Variants in SMOC2 observed in about 807,000 individuals in gnomAD.
SMOC2 encodes SPARC related modular calcium binding 2.
In SMOC2, 39 loss-of-function variants were observed where a neutral mutation model predicts 61.4. That is an observed-to-expected ratio of 0.64 (90% CI 0.49 to 0.83). The LOEUF is 0.83. Among genes scored for constraint, SMOC2 ranks in the 40% least tolerant of loss-of-function variants. SMOC2 has a pLI of 0.00. For missense variants in SMOC2, 556 were observed against 592.9 expected (o/e 0.94, Z 0.65); for synonymous variants, 247 against 239.9 (o/e 1.03, Z -0.27).
chr6:168,634,320 G>A (rs1035353371), intron 9 of SMOC2, among the ~76,000 whole-genome samples: 1 of 152,208 alleles, frequency 6.6e-6, no homozygotes, highest in African/African-American at 2.4e-5. Flanking sequence ...ATTTGGATGA[G>A]ACCGTGTCTG....
intron 1 of SMOC2, among the ~76,000 whole-genome samples, chr6:168,482,460 C>T (rs1036606347): frequency 1.3e-4 from 20 of 152,044 alleles, no homozygotes; most frequent in Non-Finnish European, 2.5e-4. Context: ...GTGGACCTCA[C>T]GGCTTCACTG....
intron 7 of SMOC2, among the ~76,000 whole-genome samples, chr6:168,563,806 C>A (rs1214453764): frequency 6.6e-6 from 1 of 152,158 alleles, no homozygotes; most frequent in Non-Finnish European, 1.5e-5. Context: ...TGTTGATAAG[C>A]CACGGAGCAC....
rs77934263 is a variant in SMOC2 at position 168,542,590 on chromosome 6, C to A, written c.464-1035C>A. ...TACAGAGGAGGGTTTGGGGTGGCTG[C>A]GCTGTGTTCCTTCATAGGAACCGTT... is the stretch of plus-strand genomic sequence containing the variant. On this transcript the variant is annotated intron_variant, in intron 4 of 12. Coordinates refer to ENST00000356284, the MANE Select transcript of SMOC2 (RefSeq NM_001166412.2). 4.6e-5 allele frequency among the ~76,000 whole-genome samples: 7 copies of A among 152,214 alleles called. No individual in the cohort carries two copies. The South Asian group carries it at 1.0e-3, about 23-fold the overall frequency.
At chr6:168,555,050 G>A (rs143791628) in intron 7 of SMOC2, among the ~76,000 whole-genome samples, 403 of 152,332 alleles carry the variant, frequency 2.6e-3, no homozygotes, top group African/African-American at 9.3e-3. Flanking sequence ...AAGTGGGCCT[G>A]ACTGGTCCCA....
chr6:168,441,262 G>C lies in SMOC2; in HGVS notation c.-109G>C, dbSNP rs1443885394. The C allele has an allele frequency of 2.2e-6, 3 of 1,367,892 alleles. No individual in the cohort carries two copies. In the African/African-American group the frequency reaches 4.6e-5, roughly 21 times the overall value. 84.7% of individuals were successfully genotyped at this position (1,367,892 alleles called of 1,614,324 possible). Reference sequence around the variant, plus strand: ...GGAGCGGTGGGGAGAGCATCGCGGAGCCGCCCCTCCACGCGCCCGCCCAGC... The same window carrying C: ...GGAGCGGTGGGGAGAGCATCGCGGACCCGCCCCTCCACGCGCCCGCCCAGC... On this transcript the variant is annotated 5_prime_UTR_variant, in exon 1 of 13. Transcript: ENST00000356284.
At chr6:168,447,142 C>G (rs373329880) in intron 1 of SMOC2, among the ~76,000 whole-genome samples, 3 of 152,330 alleles carry the variant, frequency 2.0e-5, no homozygotes, top group East Asian at 3.9e-4. Flanking sequence ...TCTTGGCTCA[C>G]TGTAACCTCT....
chr6:168,661,730 A>G (rs1787515059), intron 11 of SMOC2, among the ~76,000 whole-genome samples: 1 of 152,094 alleles, frequency 6.6e-6, no homozygotes, highest in Admixed American at 6.5e-5. Flanking sequence ...CAAGCAATAC[A>G]AAAAAAACTG....
intron 1 of SMOC2, among the ~76,000 whole-genome samples, chr6:168,444,490 A>C (rs1464518863): frequency 1.3e-5 from 2 of 152,176 alleles, no homozygotes; most frequent in African/African-American, 2.4e-5. Context: ...AAATGGCACC[A>C]TGAGGCCCTC....
chr6:168,487,913 C>T (rs1391154046), intron 1 of SMOC2, among the ~76,000 whole-genome samples: 1 of 152,148 alleles, frequency 6.6e-6, no homozygotes, highest in Non-Finnish European at 1.5e-5. Flanking sequence ...ATATGTAAAG[C>T]AGTAAAATGC....
intron 1 of SMOC2, among the ~76,000 whole-genome samples, chr6:168,469,737 A>G (rs1448766507): frequency 9.9e-5 from 15 of 152,146 alleles, no homozygotes; most frequent in African/African-American, 1.4e-4. Flanking sequence ...GACTGACCAC[A>G]TGGCCAGCAG....
At chr6:168,461,911 A>T (rs1198783046) in intron 1 of SMOC2, among the ~76,000 whole-genome samples, 2 of 152,200 alleles carry the variant, frequency 1.3e-5, no homozygotes, top group Non-Finnish European at 2.9e-5. Context: ...GATGTGCATC[A>T]CTAGGCTCAC....
At chr6:168,508,210 ATGAG>A (rs1256358259) in intron 1 of SMOC2, among the ~76,000 whole-genome samples, 2 of 152,222 alleles carry the variant, frequency 1.3e-5, no homozygotes, top group African/African-American at 4.8e-5. Context: ...TAAAAAATGT[ATGAG>A]TAACATTGGG....
intron 7 of SMOC2, among the ~76,000 whole-genome samples, chr6:168,586,644 T>C (rs2115166772): frequency 1.3e-5 from 2 of 152,356 alleles, no homozygotes; most frequent in South Asian, 2.1e-4. Flanking sequence ...TTAGGTGTTC[T>C]AATTTTTTCA....
At position 168,453,616 on chromosome 6, in the gene SMOC2, CTG is replaced by C. The variant is rs1280501110; in HGVS notation, c.84+12164_84+12165del. On this transcript the variant is annotated intron_variant, in intron 1 of 12. Coordinates refer to ENST00000356284, the MANE Select transcript of SMOC2 (RefSeq NM_001166412.2). The surrounding 1 kb of genome is among the most constrained non-coding windows in gnomAD (Gnocchi z 4.4). The stretch of plus-strand genomic sequence containing the variant: ...TCTTTCTGTCTGTCTCTGTTTCTTC[CTG>C]TCTCTGTCTCTTTGTCTCTCTCTGT... Among the ~76,000 whole-genome samples, 1 of 151,756 alleles carries C rather than the reference CTG, an allele frequency of 6.6e-6. No homozygotes were observed. Among genetic ancestry groups the C allele is most frequent in the Non-Finnish European group, 1.5e-5 (1 of 67,950 alleles).
intron 1 of SMOC2, among the ~76,000 whole-genome samples, chr6:168,501,538 A>G (rs1207961706): frequency 6.6e-6 from 1 of 152,180 alleles, no homozygotes; most frequent in Non-Finnish European, 1.5e-5. Flanking sequence ...AGGAACCTGA[A>G]GCCCATTCTG....
chr6:168,450,035 A>G (rs940500615), intron 1 of SMOC2, among the ~76,000 whole-genome samples: 2 of 147,432 alleles, frequency 1.4e-5, no homozygotes, highest in African/African-American at 2.4e-5. Context: ...AGATGTGCTT[A>G]TCTATCAGGA....
At chr6:168,575,230 G>T (rs1226871999) in intron 7 of SMOC2, among the ~76,000 whole-genome samples, 2 of 152,174 alleles carry the variant, frequency 1.3e-5, no homozygotes, top group Non-Finnish European at 2.9e-5. Context: ...AACATTTCAG[G>T]CTGTTCTTCT....
intron 9 of SMOC2, among the ~76,000 whole-genome samples, chr6:168,647,644 C>T (rs1452517671): frequency 6.6e-6 from 1 of 152,110 alleles, no homozygotes; most frequent in Non-Finnish European, 1.5e-5. Context: ...CATGCGTTTG[C>T]TAGATCTGGG....
intron 4 of SMOC2, among the ~76,000 whole-genome samples, chr6:168,542,715 G>A (rs773692782): frequency 6.6e-6 from 1 of 152,104 alleles, no homozygotes; most frequent in Non-Finnish European, 1.5e-5. Context: ...CGTTTTCTCT[G>A]CCATCCAATG....
Sources: allele counts gnomAD v4.1 joint callset (sites outside exome capture counted in the v4.1 genomes callset), GRCh38; gene constraint gnomAD v4.1.1; non-coding constraint Gnocchi (gnomAD v3.1); transcripts MANE v1.5; gene names NCBI Gene and HGNC (gene_info 2026-07-23, HGNC 2026-07-21).